The following GPATCH2 variants were observed in gnomAD, a reference collection of about 807,000 sequenced individuals.
GPATCH2 encodes the protein G patch domain-containing protein 2.
Under a neutral mutation model 58.0 loss-of-function variants are expected in GPATCH2, and 51 were observed. The observed-to-expected ratio is 0.88, with a 90% confidence interval of 0.70 to 1.11. The LOEUF (loss-of-function observed/expected upper bound fraction) is 1.11. GPATCH2 is among the 50% of genes most tolerant of loss of function. The probability of loss-of-function intolerance (pLI) is 0.00; values close to 1 mark genes in which losing one functional copy is unlikely to be tolerated. For missense variants in GPATCH2, 625 were observed against 652.2 expected (o/e 0.96, Z 0.45); for synonymous variants, 222 against 218.5 (o/e 1.02, Z -0.14).
chr1:217,484,655 ATATACT>A (rs1309440975), intron 8 of GPATCH2, among the ~76,000 whole-genome samples: 1 of 149,602 alleles, frequency 6.7e-6, no homozygotes, highest in South Asian at 2.1e-4. Context: ...ATATACACAC[ATATACT>A]TATATATACA....
At chr1:217,512,295 T>C (rs1301020167) in intron 6 of GPATCH2, among the ~76,000 whole-genome samples, 1 of 152,072 alleles carries the variant, frequency 6.6e-6, no homozygotes, top group Non-Finnish European at 1.5e-5. Flanking sequence ...ACCATTGCAC[T>C]CCAGCCTGGG....
chr1:217,437,078 A>C (rs1171459829), intron 9 of GPATCH2, among the ~76,000 whole-genome samples: 2 of 152,054 alleles, frequency 1.3e-5, no homozygotes, highest in East Asian at 3.9e-4. Context: ...CAGTCCACGG[A>C]GGGTGAGCAG....
intron 5 of GPATCH2, among the ~76,000 whole-genome samples, chr1:217,592,795 C>A (rs2102771236): frequency 6.6e-6 from 1 of 152,036 alleles, no homozygotes; most frequent in East Asian, 1.9e-4. Context: ...TTTAATGCCA[C>A]TTTTGGGTTA....
At chr1:217,539,900 A>T (rs1368588256) in intron 5 of GPATCH2, among the ~76,000 whole-genome samples, 10 of 86,306 alleles carry the variant, frequency 1.2e-4, no homozygotes, top group Non-Finnish European at 2.7e-4. Context: ...TTTATAAAAA[A>T]ACTTAATGAT....
chr1:217,473,639 T>A, intron 8 of GPATCH2, among the ~76,000 whole-genome samples: 1 of 148,880 alleles, frequency 6.7e-6, no homozygotes, highest in South Asian at 2.1e-4. Context: ...ACTGAAGAAA[T>A]GGAAGAAAGG....
intron 5 of GPATCH2, among the ~76,000 whole-genome samples, chr1:217,526,476 G>A (rs1663913528): frequency 6.6e-6 from 1 of 152,152 alleles, no homozygotes; most frequent in Admixed American, 6.5e-5. Context: ...ATTCTTTGCG[G>A]TATGAATAAA....
intron 5 of GPATCH2, among the ~76,000 whole-genome samples, chr1:217,566,896 A>C (rs1258324555): frequency 2.0e-5 from 3 of 152,170 alleles, no homozygotes; most frequent in African/African-American, 7.2e-5. Context: ...TGATATTAAA[A>C]CTATTGTTTC....
chr1:217,571,642 G>A (rs7521156), intron 5 of GPATCH2, among the ~76,000 whole-genome samples: 30,429 of 144,516 alleles, frequency 0.21, 4,039 homozygotes, highest in East Asian at 0.53. Flanking sequence ...GGCCAACACA[G>A]CGAAACCCCC....
At chr1:217,460,780 A>G (rs754115882) in intron 8 of GPATCH2, among the ~76,000 whole-genome samples, 25 of 152,242 alleles carry the variant, frequency 1.6e-4, no homozygotes, top group Non-Finnish European at 3.1e-4. Context: ...ATTGAATTCA[A>G]TGGAAAAAGT....
chr1:217,500,705 G>A (rs1379923857), intron 6 of GPATCH2, among the ~76,000 whole-genome samples: 1 of 151,918 alleles, frequency 6.6e-6, no homozygotes, highest in Admixed American at 6.6e-5. Context: ...GTGAGACCTT[G>A]CAATCTAGAG....
chr1:217,559,250 C>G (rs953741428), intron 5 of GPATCH2, among the ~76,000 whole-genome samples: 1 of 151,568 alleles, frequency 6.6e-6, no homozygotes, highest in African/African-American at 2.4e-5. Flanking sequence ...TCAGCTAAGG[C>G]CAAAAGATAC....
At chr1:217,491,051 T>C (rs1402234010) in intron 8 of GPATCH2, among the ~76,000 whole-genome samples, 1 of 152,220 alleles carries the variant, frequency 6.6e-6, no homozygotes, top group Non-Finnish European at 1.5e-5. Context: ...GTCAGTTATC[T>C]GTTCTTAAGA....
At chr1:217,580,577 T>G (rs1011685179) in intron 5 of GPATCH2, among the ~76,000 whole-genome samples, 4 of 152,210 alleles carry the variant, frequency 2.6e-5, no homozygotes, top group African/African-American at 9.7e-5. Context: ...TTCTTTATAA[T>G]TAGTGTACAG....
intron 5 of GPATCH2, chr1:217,608,106 T>C (rs1203806258): frequency 5.4e-6 from 1 of 184,056 alleles, no homozygotes; most frequent in African/African-American, 2.4e-5. Flanking sequence ...ATACATAATA[T>C]AAACAGCATA....
chr1:217,543,833 G>A (rs1426108572), intron 5 of GPATCH2, among the ~76,000 whole-genome samples: 2 of 152,058 alleles, frequency 1.3e-5, no homozygotes, highest in African/African-American at 2.4e-5. Flanking sequence ...GACAAGAACA[G>A]AACAAACAAA....
chr1:217,498,758 C>T (rs777431105), intron 6 of GPATCH2: 1 of 330,424 alleles, frequency 3.0e-6, no homozygotes, highest in Non-Finnish European at 5.6e-6. Flanking sequence ...CACATTATGA[C>T]CCTTTGATTG....
intron 6 of GPATCH2, among the ~76,000 whole-genome samples, chr1:217,513,215 C>CGGGAGGCAGAGGTTGCA (rs1228588923): frequency 6.6e-6 from 1 of 151,960 alleles, no homozygotes; most frequent in African/African-American, 2.4e-5. Context: ...CGCTTGAACC[C>CGGGAGGCAGAGGTTGCA]GGGAGGCAGA....
At chr1:217,432,025 A>G (rs577826094) in intron 9 of GPATCH2, among the ~76,000 whole-genome samples, 100 of 152,154 alleles carry the variant, frequency 6.6e-4, no homozygotes, top group African/African-American at 2.2e-3. Context: ...GAAAGAAAAT[A>G]GAGGAAAATA....
rs1658527430 is a variant in GPATCH2 at position 217,431,377 on chromosome 1, AAAC to A, written c.1367-15_1367-13del. 2 of 1,355,744 alleles carry A rather than the reference AAAC, an allele frequency of 1.5e-6. No homozygotes were observed. Among genetic ancestry groups the A allele is most frequent in the East Asian group, 2.3e-5 (1 of 43,746 alleles). 84.0% of individuals were successfully genotyped at this position (1,355,744 alleles called of 1,614,324 possible). On this transcript the variant is annotated splice_polypyrimidine_tract_variant and intron_variant, in intron 9 of 9. Coordinates refer to ENST00000366935, the MANE Select transcript of GPATCH2 (RefSeq NM_018040.5). ...TTCACCTACAAATCCTGAAATGATA[AAAC>A]AACAGCACACATTAATCAGTATGAA...
Sources: allele counts gnomAD v4.1 joint callset (sites outside exome capture counted in the v4.1 genomes callset), GRCh38; gene constraint gnomAD v4.1.1; transcripts MANE v1.5; gene names NCBI Gene and HGNC (gene_info 2026-07-23, HGNC 2026-07-21).